The following METTL17 variants were observed in gnomAD, a reference collection of about 807,000 sequenced individuals.
METTL17 encodes methyltransferase like 17.
METTL17 carries 49 observed loss-of-function variants against 59.4 expected under a neutral mutation model. The observed-to-expected ratio is 0.82, with a 90% confidence interval of 0.66 to 1.05. The LOEUF is 1.05. Among genes scored for constraint, METTL17 ranks in the 50% least tolerant of loss-of-function variants. METTL17 has a pLI of 0.00. For missense variants in METTL17, 555 were observed against 578.4 expected (o/e 0.96, Z 0.41); for synonymous variants, 208 against 209.2 (o/e 0.99, Z 0.05).
At position 20,996,727 on chromosome 14, in the gene METTL17, C is replaced by A. The variant is rs760493508; in HGVS notation, c.1265+16C>A. On this transcript the variant is annotated intron_variant, in intron 13 of 13. Coordinates refer to ENST00000339374, the MANE Select transcript of METTL17 (RefSeq NM_022734.3). ...GGCACGGCAGGTATGGGGGGTGTGA[C>A]CAAAATCAGTGGGATGTGGCAGGAA... 2 of 1,614,176 alleles carry A rather than the reference C, an allele frequency of 1.2e-6. No homozygotes were observed. The highest frequency in any genetic ancestry group is 1.7e-5 in the Admixed American group (1 of 60,024).
At position 20,994,863 on chromosome 14, in the gene METTL17, G is replaced by T; in HGVS notation, c.838G>T (p.Val280Leu). The T allele has an allele frequency of 1.2e-6, 2 of 1,614,094 alleles. No homozygotes were observed. The highest frequency in any genetic ancestry group is 1.7e-6 in the Non-Finnish European group (2 of 1,179,976). Residue 280 changes from valine to leucine, a missense_variant, in exon 9 of 14, where the codon GTA becomes TTA. Physicochemically the swap from Val to Leu is conservative, Grantham distance 32 (BLOSUM62 1). Transcript: ENST00000339374. Reference protein sequence around the residue: ...ELPSKADRTEVVQTLWRKTGH... With the variant: ...ELPSKADRTELVQTLWRKTGH... ...GCCCAGCAAGGCTGACCGCACTGAG[G>T]TAGTTCAAACCTTATGGCGTAAGAC... is the stretch of plus-strand genomic sequence containing the variant.
At chr14:20,990,421 G>A (rs201151179) in intron 2 of METTL17, 38 bp downstream of exon 2, 6 of 1,613,830 alleles carry the variant, frequency 3.7e-6, no homozygotes, top group Middle Eastern at 1.6e-4. Context: ...AACGGGACTG[G>A]ACCTACATGC....
chr14:20,995,886 T>A lies in METTL17; in HGVS notation c.946-15T>A. 6.2e-7 allele frequency: 1 copy of A among 1,613,368 alleles called. No homozygotes were observed. Among genetic ancestry groups the A allele is most frequent in the Admixed American group, 1.7e-5 (1 of 60,024 alleles). ...CTTGGCCCAGCTTTATTTCTTTTAT[T>A]TCCTTTGATTTCAGGGAAAAGAGAA... On this transcript the variant is annotated splice_polypyrimidine_tract_variant and intron_variant, in intron 10 of 13. Transcript: ENST00000339374.
At chr14:20,996,024 A>C in intron 11 of METTL17, 73 bp downstream of exon 11, 2 of 1,531,360 alleles carry the variant, frequency 1.3e-6, no homozygotes, top group Non-Finnish European at 1.8e-6. Context: ...AAGATGGTAA[A>C]GCTAAGCCAC....
chr14:20,992,460 A>T, intron 4 of METTL17, 81 bp from the exon 5 acceptor site: 2 of 1,188,562 alleles, frequency 1.7e-6, no homozygotes, highest in Non-Finnish European at 2.5e-6. Flanking sequence ...CCTTTCCAAG[A>T]TGTCATTTTC....
Position 20,995,200 on chromosome 14 carries a change from C to A in METTL17, c.912C>A (p.Ser304Arg). ...AGAATGGAACAAAAGCTGGGCACAG[C>A]CTTCTCATGGATGCCAGGGATCTGG... is the stretch of plus-strand genomic sequence containing the variant. ...LVENGTKAGH[S>R]LLMDARDLVL... Residue 304 changes from serine (S) to arginine (R), a missense_variant, in exon 10 of 14, where the codon AGC becomes AGA. Physicochemically the swap from Ser to Arg is moderately radical, Grantham distance 110. Transcript: ENST00000339374. 3.1e-6 allele frequency: 5 copies of A among 1,614,162 alleles called. No homozygotes were observed. The highest frequency in any genetic ancestry group is 4.2e-6 in the Non-Finnish European group (5 of 1,180,014).
At chr14:20,996,426 T>C (rs2138743085) in intron 12 of METTL17, 101 bp from the exon 13 acceptor site, 5 of 1,495,844 alleles carry the variant, frequency 3.3e-6, no homozygotes, top group Non-Finnish European at 4.5e-6. Context: ...ATATGATTTA[T>C]ACATTGTAAA....
intron 3 of METTL17, 27 bp downstream of exon 3, chr14:20,990,625 G>C (rs1370862369): frequency 6.2e-7 from 1 of 1,612,104 alleles, no homozygotes; most frequent in East Asian, 2.2e-5. Context: ...ATTAAAAAGT[G>C]GGCGAGATTG....
rs1880137963 is a variant in METTL17, at chr14:20,993,262, A to C, written c.602+71A>C. 7 of 1,262,486 alleles carry C rather than the reference A, an allele frequency of 5.5e-6. No individual in the cohort carries two copies. The Admixed American group carries it at 8.7e-5, about 16-fold the overall frequency. 78.2% of individuals were successfully genotyped at this position (1,262,486 alleles called of 1,614,324 possible). On this transcript the variant is annotated intron_variant, in intron 6 of 13. Transcript: ENST00000339374. ...AAAGCCATACTTACACCACTCCAAA[A>C]TTAACAGACTGGAAAACCAGAGGGA...
rs939243900 is a variant in METTL17, at chr14:20,997,012, A to T, written c.*122A>T. The T allele has an allele frequency of 9.4e-7, 1 of 1,066,660 alleles. No individual in the cohort carries two copies. Among genetic ancestry groups the T allele is most frequent in the African/African-American group, 1.6e-5 (1 of 62,494 alleles). The allele number at this position is 1,066,660 out of a possible 1,614,324, so 66.1% of individuals were successfully genotyped here. On this transcript the variant is annotated 3_prime_UTR_variant, in exon 14 of 14. Transcript: ENST00000339374. ...GTTTGTTTGAGATTTTTAATAATAA[A>T]TAATAAATTTTTGAAGAATGGAAGT... is the stretch of plus-strand genomic sequence containing the variant.
In METTL17 at chr14:20,995,243, C is replaced by T; in HGVS notation, c.945+10C>T. On this transcript the variant is annotated intron_variant, in intron 10 of 13. Coordinates refer to ENST00000339374, the MANE Select transcript of METTL17 (RefSeq NM_022734.3). ...GGATCTGGTCCTTAAGGTAAGGCTT[C>T]TTCTTCCCTCACTCCCCCACCCATA... 6.2e-7 allele frequency: 1 copy of T among 1,611,106 alleles called. No individual in the cohort carries two copies. Among genetic ancestry groups the T allele is most frequent in the South Asian group, 1.1e-5 (1 of 91,030 alleles).
intron 4 of METTL17, 68 bp from the exon 5 acceptor site, chr14:20,992,473 A>T (rs956552303): frequency 6.2e-6 from 8 of 1,300,774 alleles, no homozygotes; most frequent in Non-Finnish European, 8.9e-6. Context: ...TCATTTTCTA[A>T]ATCTAGAAGG....
Position 20,992,600 on chromosome 14 carries a change from C to T in METTL17, c.506C>T (p.Ala169Val), listed in dbSNP as rs977977813. The T allele has an allele frequency of 7.4e-6, 12 of 1,613,862 alleles. No homozygotes were observed. The African/African-American group carries it at 1.6e-4, about 22-fold the overall frequency. ...MAARLDGGFA[A>V]VSRAFHEIRA... ...GCAAGACTGGATGGTGGCTTTGCAG[C>T]AGTCTCCAGAGCATTCCATGAGGTG... The change falls in exon 5 of 14, where the codon GCA (alanine) becomes GTA (valine). Residue 169 changes from alanine to valine, a missense_variant. Transcript: ENST00000339374.
intron 11 of METTL17, 52 bp from the exon 12 acceptor site, chr14:20,996,157 T>C: frequency 6.5e-7 from 1 of 1,549,936 alleles, no homozygotes; most frequent in Non-Finnish European, 8.9e-7. Flanking sequence ...AGTTTTTAAG[T>C]TTTGTGATTG....
At chr14:20,995,110 ATTTATAC>A in intron 9 of METTL17, 48 bp from the exon 10 acceptor site, 1 of 1,518,616 alleles carries the variant, frequency 6.6e-7, no homozygotes, top group Non-Finnish European at 9.1e-7. Context: ...AGCTACTGAC[ATTTATAC>A]TTTCGTGTAA....
In METTL17 at chr14:20,992,183, A is replaced by G; in HGVS notation, c.424A>G (p.Thr142Ala). 1 of 1,608,966 alleles carries G rather than the reference A, an allele frequency of 6.2e-7. No individual in the cohort carries two copies. Among genetic ancestry groups the G allele is most frequent in the Admixed American group, 1.7e-5 (1 of 58,660 alleles). ...AGTGCTACACGCACTACGTAAAACT[A>G]CCTACCATTGGCAAGAACTGAGGTA... ...GAVLHALRKT[T>A]YHWQELSYTE... Residue 142 changes from threonine to alanine, a missense_variant, in exon 4 of 14, where the codon ACC becomes GCC. Physicochemically the swap from Thr to Ala is moderately conservative, Grantham distance 58. Coordinates refer to ENST00000339374, the MANE Select transcript of METTL17 (RefSeq NM_022734.3).
Position 20,996,635 on chromosome 14 carries a change from C to T in METTL17, c.1189C>T (p.Arg397Cys), listed in dbSNP as rs772938639. Residue 397 changes from arginine (R) to cysteine (C), a missense_variant, in exon 13 of 14, where the codon CGC becomes TGC. Physicochemically the swap from Arg to Cys is radical, Grantham distance 180. Coordinates refer to ENST00000339374, the MANE Select transcript of METTL17 (RefSeq NM_022734.3). Reference protein sequence around the residue: ...RITQPVLKRPRHVHCHLCCPD... With the variant: ...RITQPVLKRPCHVHCHLCCPD... The stretch of plus-strand genomic sequence containing the variant: ...CACTCAGCCTGTCCTTAAACGGCCT[C>T]GCCATGTGCATTGTCACTTGTGCTG... 6.8e-6 allele frequency: 11 copies of T among 1,614,234 alleles called. No individual in the cohort carries two copies. Among genetic ancestry groups the T allele is most frequent in the African/African-American group, 1.3e-5 (1 of 75,068 alleles).
intron 5 of METTL17, 125 bp from the exon 6 acceptor site, chr14:20,992,992 AT>A: frequency 1.3e-6 from 1 of 789,542 alleles, no homozygotes; most frequent in South Asian, 1.5e-5. Flanking sequence ...CCCATAAGGT[AT>A]TTGTATTGAA....
chr14:20,994,089 T>A (rs1880212223), intron 7 of METTL17, 26 bp downstream of exon 7: 1 of 1,574,900 alleles, frequency 6.3e-7, no homozygotes, highest in African/African-American at 1.4e-5. Context: ...CTTCCAAAGT[T>A]GAGGGAGTTA....
Sources: gnomAD v4.1 joint callset for allele counts on GRCh38, gnomAD v4.1.1 for gene constraint, MANE v1.5 for transcripts, NCBI Gene and HGNC (gene_info 2026-07-23, HGNC 2026-07-21) for gene names.